Variants in KAT6B observed in about 807,000 individuals in gnomAD.
KAT6B encodes the protein histone acetyltransferase KAT6B.
KAT6B carries 10 observed loss-of-function variants against 187.5 expected under a neutral mutation model. The observed-to-expected ratio is 0.05, with a 90% CI of 0.03 to 0.09. The LOEUF (loss-of-function observed/expected upper bound fraction) is 0.09, where lower values mean the gene tolerates loss of function less well. Ranked by LOEUF, KAT6B falls within the 10% of genes least tolerant of loss-of-function variation. KAT6B has a pLI of 1.00. For missense variants in KAT6B, 1,952 were observed against 2,558.9 expected (o/e 0.76, Z 5.12); for synonymous variants, 861 against 926.8 (o/e 0.93, Z 1.29).
intron 3 of KAT6B, among the ~76,000 whole-genome samples, chr10:74,855,617 G>A (rs570090901): frequency 6.6e-6 from 1 of 152,274 alleles, no homozygotes; most frequent in East Asian, 1.9e-4. Context: ...AAGAGTATTG[G>A]CTGTTTGAAG....
At chr10:75,001,840 G>A (rs932319080) in intron 13 of KAT6B, among the ~76,000 whole-genome samples, 4 of 152,086 alleles carry the variant, frequency 2.6e-5, no homozygotes, top group South Asian at 2.1e-4. Context: ...CCAGTAAGCC[G>A]TTTCACCTGA....
At position 75,010,888 on chromosome 10, in the gene KAT6B, G is replaced by A. The variant is rs182725085; in HGVS notation, c.2630-9694G>A. Among the ~76,000 whole-genome samples the A allele has an allele frequency of 4.6e-5, 7 of 152,268 alleles. No homozygotes were observed. The East Asian group carries it at 1.3e-3, about 29-fold the overall frequency. On this transcript the variant is annotated intron_variant, in intron 13 of 17. Coordinates refer to ENST00000287239, the MANE Select transcript of KAT6B (RefSeq NM_012330.4). ...GAAAATGTTCAATCGCAGTGTTTTC[G>A]CAGCAGGAGAACAATCTTAAAGGTA... is the stretch of plus-strand genomic sequence containing the variant.
intron 4 of KAT6B, among the ~76,000 whole-genome samples, chr10:74,965,617 T>C (rs1416875287): frequency 1.3e-5 from 2 of 151,500 alleles, no homozygotes; most frequent in Non-Finnish European, 2.9e-5. Context: ...AAACAACACA[T>C]TTTTAATCTT....
At chr10:74,859,015 G>A (rs1475966968) in intron 3 of KAT6B, among the ~76,000 whole-genome samples, 2 of 152,168 alleles carry the variant, frequency 1.3e-5, no homozygotes, top group Non-Finnish European at 1.5e-5. Context: ...GGGATTATAG[G>A]CATAAGCCAG....
intron 4 of KAT6B, among the ~76,000 whole-genome samples, chr10:74,966,759 G>T (rs747499103): frequency 4.6e-5 from 7 of 152,198 alleles, no homozygotes; most frequent in Non-Finnish European, 1.5e-5. Flanking sequence ...GGACGTGGTG[G>T]GGTGTGTCAG....
intron 11 of KAT6B, 44 bp from the exon 12 acceptor site, chr10:74,985,036 C>T (rs767926902): frequency 2.6e-6 from 4 of 1,527,464 alleles, no homozygotes; most frequent in Non-Finnish European, 3.6e-6. Context: ...TTATATGGTG[C>T]AGTATTTTTA....
intron 3 of KAT6B, among the ~76,000 whole-genome samples, chr10:74,888,013 T>C (rs1046351724): frequency 6.6e-6 from 1 of 152,152 alleles, no homozygotes; most frequent in African/African-American, 2.4e-5. Flanking sequence ...GGCTGGTCCT[T>C]CCTGAAATAG....
chr10:74,991,219 T>C lies in KAT6B; in HGVS notation c.2629+2107T>C, dbSNP rs539949680. 6.6e-4 allele frequency among the ~76,000 whole-genome samples: 100 copies of C among 152,312 alleles called. 1 individual carries two copies. Among genetic ancestry groups the C allele is most frequent in the Middle Eastern group, 6.8e-3 (2 of 294 alleles). On this transcript the variant is annotated intron_variant, in intron 13 of 17. Transcript: ENST00000287239. ...AACTTCTCTGTATCCACTAGGACAG[T>C]TTCCTTTATAATAATATGTATTAGA...
chr10:74,896,637 C>T (rs1437120526), intron 3 of KAT6B, among the ~76,000 whole-genome samples: 1 of 152,182 alleles, frequency 6.6e-6, no homozygotes, highest in Non-Finnish European at 1.5e-5. Flanking sequence ...GAGCAAATGC[C>T]TTTTTAGAAA....
At chr10:74,920,035 G>A (rs750773994) in intron 3 of KAT6B, among the ~76,000 whole-genome samples, 1 of 152,094 alleles carries the variant, frequency 6.6e-6, no homozygotes, top group Non-Finnish European at 1.5e-5. Context: ...TTCTTCTGTA[G>A]TTTCTTGTTT....
intron 3 of KAT6B, among the ~76,000 whole-genome samples, chr10:74,887,432 A>G (rs905680172): frequency 4.6e-5 from 7 of 152,098 alleles, no homozygotes; most frequent in Non-Finnish European, 5.9e-5. Flanking sequence ...GGTTCAAGCA[A>G]TTCTGCCTCA....
chr10:74,870,876 G>A (rs1473838259), intron 3 of KAT6B, among the ~76,000 whole-genome samples: 2 of 134,022 alleles, frequency 1.5e-5, no homozygotes, highest in East Asian at 2.3e-4. Context: ...CATGCCTGGC[G>A]TTTTTTTGTT....
intron 3 of KAT6B, among the ~76,000 whole-genome samples, chr10:74,889,579 C>G (rs1191165858): frequency 6.6e-6 from 1 of 152,192 alleles, no homozygotes. Context: ...GCTTTTTATA[C>G]TGGACTGGGC....
At chr10:74,961,800 T>C (rs1371559911) in intron 4 of KAT6B, among the ~76,000 whole-genome samples, 3 of 152,054 alleles carry the variant, frequency 2.0e-5, no homozygotes, top group Non-Finnish European at 4.4e-5. Context: ...AAGCCAGGGG[T>C]GTTTAGGTAC....
At position 75,022,185 on chromosome 10, in the gene KAT6B, C is replaced by T. The variant is rs199963389; in HGVS notation, c.3326C>T (p.Ser1109Phe). ...GAAGAAGAAGAAAATATTCAAAGCT[C>T]TCCCCCAAGATTGACGAAACCACAG... ...EEEEEENIQS[S>F]PPRLTKPQSV... Residue 1109 changes from serine to phenylalanine, a missense_variant, in exon 16 of 18, where the codon TCT becomes TTT. Physicochemically the swap from Ser to Phe is radical, Grantham distance 155. Coordinates refer to ENST00000287239, the MANE Select transcript of KAT6B (RefSeq NM_012330.4). 232 of 1,613,202 alleles carry T rather than the reference C, an allele frequency of 1.4e-4. No individual in the cohort carries two copies. The highest frequency in any genetic ancestry group is 1.9e-4 in the Non-Finnish European group (219 of 1,180,016).
rs147501132 is a variant in KAT6B, at chr10:74,984,568, T to C, written c.2374-512T>C. On this transcript the variant is annotated intron_variant, in intron 11 of 17. Coordinates refer to ENST00000287239, the MANE Select transcript of KAT6B (RefSeq NM_012330.4). ...TCTTTTCCAATTATATTTAAGATGA[T>C]GCTTGGGATAAAACCAAAATGGAAA... is the stretch of plus-strand genomic sequence containing the variant. 472 of 156,274 alleles carry C rather than the reference T, an allele frequency of 3.0e-3. 2 individuals are homozygous for C. Among genetic ancestry groups the C allele is most frequent in the Admixed American group, 4.7e-3 (75 of 15,928 alleles). 9.7% of individuals were successfully genotyped at this position (156,274 alleles called of 1,614,324 possible). A position where few individuals can be genotyped will look rare whatever the true frequency, so the allele number is the denominator to read the frequency against.
Position 75,028,653 on chromosome 10 carries a change from C to G in KAT6B, c.3829C>G (p.Pro1277Ala), listed in dbSNP as rs978272228. The G allele has an allele frequency of 1.2e-6, 2 of 1,613,944 alleles. No homozygotes were observed. The highest frequency in any genetic ancestry group is 2.7e-5 in the African/African-American group (2 of 74,894). Residue 1277 changes from proline (P) to alanine (A), a missense_variant, in exon 18 of 18, where the codon CCA becomes GCA. Around this residue, in one of 9 missense-constraint regions of KAT6B, gnomAD observed 758 missense variants for 891.4 expected, o/e 0.85. Coordinates refer to ENST00000287239, the MANE Select transcript of KAT6B (RefSeq NM_012330.4). ...ATTTAAACTGAATTTGTACACCCCG[C>G]CAGAAACACCCATGGAGCCTGACGA... ...TGFKLNLYTP[P>A]ETPMEPDEQV...
chr10:75,022,367 A>G, intron 16 of KAT6B, 136 bp downstream of exon 16: 1 of 974,968 alleles, frequency 1.0e-6, no homozygotes, highest in Non-Finnish European at 1.7e-6. Flanking sequence ...CCCGCTGATC[A>G]TATATCATAA....
At chr10:74,936,841 GTTGT>G (rs1465329439) in intron 3 of KAT6B, among the ~76,000 whole-genome samples, 2 of 152,052 alleles carry the variant, frequency 1.3e-5, no homozygotes, top group Non-Finnish European at 2.9e-5. Flanking sequence ...GTCATTTTAG[GTTGT>G]TTATTAATGC....
Sources: allele counts gnomAD v4.1 joint callset (sites outside exome capture counted in the v4.1 genomes callset), GRCh38; gene constraint gnomAD v4.1.1; regional missense constraint gnomAD v4.1.1; transcripts MANE v1.5; gene names NCBI Gene and HGNC (gene_info 2026-07-23, HGNC 2026-07-21).